DHTKD1: variants seen among roughly 807,000 people sequenced by gnomAD.
The protein encoded by DHTKD1 is dehydrogenase E1 and transketolase domain containing 1, also known as 2-oxoadipate dehydrogenase complex component E1.
In DHTKD1, 78 loss-of-function variants were observed where a neutral mutation model predicts 101.8. The ratio of observed to expected loss-of-function variants is 0.77; its 90% CI spans 0.64 to 0.93. The LOEUF (loss-of-function observed/expected upper bound fraction) is 0.93. DHTKD1 is among the 40% of genes least tolerant of loss of function. The probability of loss-of-function intolerance (pLI) is 0.00; values close to 1 mark genes in which losing one functional copy is unlikely to be tolerated. For synonymous variants in DHTKD1, 462 were observed against 450.3 expected (o/e 1.03, Z -0.33); for missense variants, 1,223 against 1,161.7 (o/e 1.05, Z -0.77).
chr10:12,078,582 G>T (rs887111793), intron 1 of DHTKD1, among the ~76,000 whole-genome samples: 2 of 152,188 alleles, frequency 1.3e-5, no homozygotes, highest in East Asian at 3.9e-4. Flanking sequence ...CTGCACTCCA[G>T]CCTGGGTGAC....
chr10:12,077,727 G>C (rs1347701581), intron 1 of DHTKD1, among the ~76,000 whole-genome samples: 1 of 152,108 alleles, frequency 6.6e-6, no homozygotes, highest in Non-Finnish European at 1.5e-5. Context: ...AAGATTGGAG[G>C]GTGCGGGTGA....
chr10:12,086,478 C>T (rs1832900931), intron 3 of DHTKD1, among the ~76,000 whole-genome samples: 2 of 151,798 alleles, frequency 1.3e-5, no homozygotes, highest in South Asian at 4.2e-4. Context: ...ATCAGCCTTC[C>T]AAAGTGCTGG....
chr10:12,081,820 C>T (rs1832824803), intron 2 of DHTKD1, among the ~76,000 whole-genome samples, 193 bp downstream of exon 2: 1 of 152,044 alleles, frequency 6.6e-6, no homozygotes, highest in Non-Finnish European at 1.5e-5. Context: ...GGCCTGTTTT[C>T]TCAAGGTTCA....
Position 12,107,140 on chromosome 10 carries a change from C to A in DHTKD1, c.2047+744C>A, listed in dbSNP as rs1833262493. On this transcript the variant is annotated intron_variant, in intron 11 of 16. Coordinates refer to ENST00000263035, the MANE Select transcript of DHTKD1 (RefSeq NM_018706.7). This position sits in a 1 kb window ranked among gnomAD's most constrained non-coding sequence, Gnocchi z 4.1. ...GCTGGGACTACATAGGCGCTGGTCA[C>A]CACGCCCGGCTAATTTTTTGTATTT... is the stretch of plus-strand genomic sequence containing the variant. Among the ~76,000 whole-genome samples, 1 of 151,270 alleles carries A rather than the reference C, an allele frequency of 6.6e-6. No homozygotes were observed. The highest frequency in any genetic ancestry group is 2.4e-5 in the African/African-American group (1 of 41,132).
At chr10:12,105,547 T>C (rs1249497749) in intron 10 of DHTKD1, among the ~76,000 whole-genome samples, 1 of 151,990 alleles carries the variant, frequency 6.6e-6, no homozygotes, top group East Asian at 1.9e-4. Flanking sequence ...CAAACTCCTG[T>C]GCTCAAGCGA....
Position 12,118,803 on chromosome 10 carries a change from A to G in DHTKD1, c.2457A>G (p.Gln819=), listed in dbSNP as rs1833467596. The G allele has an allele frequency of 5.0e-6, 8 of 1,607,414 alleles. No individual in the cohort carries two copies. The highest frequency in any genetic ancestry group is 6.8e-6 in the Non-Finnish European group (8 of 1,177,462). The change falls in exon 15 of 17, where the codon CAA becomes CAG. Residue 819 remains glutamine, a synonymous_variant. Transcript: ENST00000263035. The part of the protein sequence containing the change: ...SGKHFYSLVK[Q]RESLGAKKHD... ...AACATTTCTACTCCCTGGTGAAACAAAGAGAATCTCTGGGGGCCAAGAAGC... is the reference window on the plus strand; with the variant it reads ...AACATTTCTACTCCCTGGTGAAACAGAGAGAATCTCTGGGGGCCAAGAAGC...
chr10:12,091,402 ACT>A (rs1413460978), intron 5 of DHTKD1, 109 bp from the exon 6 acceptor site: 20 of 651,116 alleles, frequency 3.1e-5, no homozygotes, highest in Admixed American at 2.4e-4. Context: ...AAAGAGCAAG[ACT>A]CTGTCTCAAA....
At chr10:12,091,411 CAAAAA>C (rs71382619) in intron 5 of DHTKD1, 97 bp from the exon 6 acceptor site, 13 of 189,892 alleles carry the variant, frequency 6.8e-5, no homozygotes, top group East Asian at 2.8e-4. Context: ...GACTCTGTCT[CAAAAA>C]AAAAAAAAAA....
Position 12,107,906 on chromosome 10 carries a change from C to T in DHTKD1, c.2048-3C>T. Reference sequence around the variant, plus strand: ...TCTTACTCCCCACGTGGTACTTTTCCAGGAGAGGCCAAGTGGCTCCTACAA... The same window carrying T: ...TCTTACTCCCCACGTGGTACTTTTCTAGGAGAGGCCAAGTGGCTCCTACAA... On this transcript the variant is annotated splice_polypyrimidine_tract_variant and splice_region_variant and intron_variant, in intron 11 of 16. Coordinates refer to ENST00000263035, the MANE Select transcript of DHTKD1 (RefSeq NM_018706.7). This position sits in a 1 kb window ranked among gnomAD's most constrained non-coding sequence, Gnocchi z 4.1. The T allele has an allele frequency of 1.2e-6, 2 of 1,608,008 alleles. No homozygotes were observed. Among genetic ancestry groups the T allele is most frequent in the Non-Finnish European group, 1.7e-6 (2 of 1,174,588 alleles).
Position 12,091,623 on chromosome 10 carries a change from C to G in DHTKD1, c.1098C>G (p.Asn366Lys). 1 of 1,613,784 alleles carries G rather than the reference C, an allele frequency of 6.2e-7. No individual in the cohort carries two copies. The change falls in exon 6 of 17, where the codon AAC becomes AAG. Residue 366 changes from asparagine (N) to lysine (K), a missense_variant. Physicochemically the swap from Asn to Lys is moderately conservative, Grantham distance 94. Coordinates refer to ENST00000263035, the MANE Select transcript of DHTKD1 (RefSeq NM_018706.7). ...GGAGTGTGCATTTGATTGTTAATAA[C>G]CAGCTGGGTTACACCACTCCAGCTG... ...IGGSVHLIVN[N>K]QLGYTTPAER...
Position 12,089,173 on chromosome 10 carries a change from G to A in DHTKD1, c.905G>A (p.Arg302His). Residue 302 changes from arginine to histidine, a missense_variant, in exon 5 of 17, where the codon CGC becomes CAC. Arg to His is a conservative substitution (Grantham distance 29). Transcript: ENST00000263035. ...AACCCCGTGGCCGTGGGCAAAACTC[G>A]CGGCAGGCAGCAGTCTCGCCAAGAC... Reference protein sequence around the residue: ...AVNPVAVGKTRGRQQSRQDGD... With the variant: ...AVNPVAVGKTHGRQQSRQDGD... The A allele has an allele frequency of 1.2e-6, 2 of 1,614,118 alleles. No homozygotes were observed. The highest frequency in any genetic ancestry group is 2.2e-5 in the East Asian group (1 of 44,876).
chr10:12,119,504 T>A (rs11257546), intron 15 of DHTKD1, among the ~76,000 whole-genome samples: 1 of 148,466 alleles, frequency 6.7e-6, no homozygotes, highest in Admixed American at 6.8e-5. Context: ...TAGTCCCAGC[T>A]ACTTGGGAGG....
At chr10:12,094,542 G>A (rs972462992) in intron 7 of DHTKD1, among the ~76,000 whole-genome samples, 2 of 151,700 alleles carry the variant, frequency 1.3e-5, no homozygotes, top group African/African-American at 4.8e-5. Context: ...TTGCCATGTT[G>A]GCCAGGCTGA....
chr10:12,069,214 A>G (rs1832612312), intron 1 of DHTKD1, 27 bp downstream of exon 1: 2 of 1,405,230 alleles, frequency 1.4e-6, no homozygotes, highest in Non-Finnish European at 9.4e-7. Context: ...GGGCGGTGGG[A>G]GCGGGGGCTG....
At chr10:12,109,107 A>G (rs759685053) in intron 12 of DHTKD1, among the ~76,000 whole-genome samples, 5 of 152,134 alleles carry the variant, frequency 3.3e-5, no homozygotes, top group Non-Finnish European at 5.9e-5. Flanking sequence ...AGATCACGCC[A>G]CTGCACTCCA....
In DHTKD1 at chr10:12,107,514, G is replaced by A. The variant is rs1833268610; in HGVS notation, c.2048-395G>A. Among the ~76,000 whole-genome samples, 2 of 150,778 alleles carry A rather than the reference G, an allele frequency of 1.3e-5. No individual in the cohort carries two copies. The highest frequency in any genetic ancestry group is 2.4e-5 in the African/African-American group (1 of 41,054). On this transcript the variant is annotated intron_variant, in intron 11 of 16. Transcript: ENST00000263035. The surrounding 1 kb of genome is among the most constrained non-coding windows in gnomAD (Gnocchi z 4.1). Reference sequence around the variant, plus strand: ...GACACTGCAACCTCTATCTCCCGGGGTCAAGTGATTCTCCCACCTCAGCCT... The same window carrying A: ...GACACTGCAACCTCTATCTCCCGGGATCAAGTGATTCTCCCACCTCAGCCT...
chr10:12,115,031 G>A (rs1316474495), intron 13 of DHTKD1, among the ~76,000 whole-genome samples: 6 of 151,738 alleles, frequency 4.0e-5, no homozygotes, highest in African/African-American at 9.7e-5. Flanking sequence ...TCCTGACCTC[G>A]TGATCCGCCC....
intron 8 of DHTKD1, 33 bp downstream of exon 8, chr10:12,098,029 CT>C (rs1564394102): frequency 3.2e-6 from 5 of 1,558,890 alleles, no homozygotes; most frequent in African/African-American, 1.4e-5. Context: ...GTTATTGCTT[CT>C]CCTTCCTGCT....
intron 10 of DHTKD1, among the ~76,000 whole-genome samples, chr10:12,102,422 CAAAAAAAAA>C (rs752816882): frequency 3.1e-5 from 2 of 64,838 alleles, no homozygotes; most frequent in East Asian, 3.9e-4. Flanking sequence ...GACTCTGTCT[CAAAAAAAAA>C]AAAAAAAAAA....
Sources: allele counts gnomAD v4.1 joint callset (sites outside exome capture counted in the v4.1 genomes callset), GRCh38; gene constraint gnomAD v4.1.1; non-coding constraint Gnocchi (gnomAD v3.1); transcripts MANE v1.5; gene names NCBI Gene and HGNC (gene_info 2026-07-23, HGNC 2026-07-21).